Variants in OPCML observed in about 807,000 individuals in gnomAD.
The protein encoded by OPCML is opioid-binding protein/cell adhesion molecule.
Under a neutral mutation model 37.8 loss-of-function variants are expected in OPCML, and 13 were observed. The observed-to-expected ratio is 0.34, with a 90% CI of 0.22 to 0.55. OPCML has a LOEUF of 0.55. Ranked by LOEUF, OPCML falls within the 20% of genes least tolerant of loss-of-function variation. OPCML has a pLI of 0.91. For synonymous variants in OPCML, 176 were observed against 168.8 expected (o/e 1.04, Z -0.33); for missense variants, 341 against 435.6 (o/e 0.78, Z 1.93).
At chr11:132,570,813 A>AGAGAGAGAGAGAGAGAGG in intron 3 of OPCML, among the ~76,000 whole-genome samples, 1 of 129,998 alleles carries the variant, frequency 7.7e-6, no homozygotes, top group Non-Finnish European at 1.7e-5. Context: ...TTAGAGAGAG[A>AGAGAGAGAGAGAGAGAGG]GAGAGAGGAT....
intron 1 of OPCML, among the ~76,000 whole-genome samples, chr11:133,328,456 C>A (rs974570555): frequency 6.6e-6 from 1 of 152,126 alleles, no homozygotes. Flanking sequence ...CTGTGCCCAG[C>A]CTTAAAGATT....
Position 132,688,370 on chromosome 11 carries a change from C to T in OPCML, c.147-31051G>A, listed in dbSNP as rs942945008. 9.2e-5 allele frequency among the ~76,000 whole-genome samples: 14 copies of T among 152,204 alleles called. No homozygotes were observed. In the East Asian group the frequency reaches 2.5e-3, roughly 27 times the overall value. ...GAAACAAGAGCACTAAACTGGTACC[C>T]GTAATCTAGTCCTGACCGACACTAG... On this transcript the variant is annotated intron_variant, in intron 2 of 7. Transcript: ENST00000524381.
chr11:132,595,338 G>T (rs1280787992), intron 3 of OPCML, among the ~76,000 whole-genome samples: 1 of 152,186 alleles, frequency 6.6e-6, no homozygotes, highest in Admixed American at 6.6e-5. Flanking sequence ...TAGTGGAATG[G>T]AATGGGCCCA....
At chr11:132,479,002 C>T (rs752539451) in intron 4 of OPCML, among the ~76,000 whole-genome samples, 3 of 151,994 alleles carry the variant, frequency 2.0e-5, no homozygotes, top group Non-Finnish European at 4.4e-5. Flanking sequence ...AAACAAAATG[C>T]ACAGAATTAG....
chr11:133,526,182 A>G (rs766396168), intron 1 of OPCML, among the ~76,000 whole-genome samples: 2 of 152,184 alleles, frequency 1.3e-5, no homozygotes, highest in Non-Finnish European at 2.9e-5. Context: ...GTGGATGTGC[A>G]GGGAATCTCT....
At chr11:133,117,978 T>A in intron 1 of OPCML, 1 of 970,234 alleles carries the variant, frequency 1.0e-6, no homozygotes, top group Non-Finnish European at 1.2e-6. Flanking sequence ...GAACTGCAAG[T>A]GGAGGAGACA....
At chr11:132,464,287 A>G (rs1416418242) in intron 4 of OPCML, among the ~76,000 whole-genome samples, 1 of 152,114 alleles carries the variant, frequency 6.6e-6, no homozygotes, top group African/African-American at 2.4e-5. Flanking sequence ...TATCACAAAT[A>G]TTCCCCACCC....
chr11:133,182,785 C>G (rs1445375664), intron 1 of OPCML, among the ~76,000 whole-genome samples: 2 of 152,104 alleles, frequency 1.3e-5, no homozygotes, highest in South Asian at 2.1e-4. Flanking sequence ...TGTGAGTGCC[C>G]AGGAACGCGG....
chr11:132,985,733 G>C (rs541761047), intron 1 of OPCML, among the ~76,000 whole-genome samples: 8 of 152,118 alleles, frequency 5.3e-5, no homozygotes, highest in Non-Finnish European at 1.2e-4. Context: ...ATTATACAGG[G>C]TACCTGCACT....
At chr11:133,469,975 A>G in intron 1 of OPCML, among the ~76,000 whole-genome samples, 1 of 152,350 alleles carries the variant, frequency 6.6e-6, no homozygotes, top group African/African-American at 2.4e-5. Flanking sequence ...TGACACTTAG[A>G]CAGCATTGCC....
intron 1 of OPCML, among the ~76,000 whole-genome samples, chr11:133,504,406 T>A (rs1947983892): frequency 6.6e-6 from 1 of 152,202 alleles, no homozygotes; most frequent in Non-Finnish European, 1.5e-5. Context: ...TTGCTGACCC[T>A]GTCTTCAAGG....
chr11:133,170,856 C>G lies in OPCML; in HGVS notation c.62-227846G>C, dbSNP rs987913399. On this transcript the variant is annotated intron_variant, in intron 1 of 7. Coordinates refer to ENST00000524381, the MANE Select transcript of OPCML (RefSeq NM_001012393.5). ...TAAAGCTGGGAGGCAACTTGTCCCCCCAAAAGCACAATTAGCCAGCTCCTC... is the reference window on the plus strand; with the variant it reads ...TAAAGCTGGGAGGCAACTTGTCCCCGCAAAAGCACAATTAGCCAGCTCCTC... Among the ~76,000 whole-genome samples, 3 of 152,122 alleles carry G rather than the reference C, an allele frequency of 2.0e-5. No homozygotes were observed. In the East Asian group the frequency reaches 5.8e-4, roughly 29 times the overall value.
At chr11:132,865,194 G>T (rs893945076) in intron 2 of OPCML, among the ~76,000 whole-genome samples, 1 of 152,094 alleles carries the variant, frequency 6.6e-6, no homozygotes, top group Admixed American at 6.5e-5. Flanking sequence ...ACGCGCGCAC[G>T]CAAACACACA....
chr11:132,518,455 A>G (rs899006384), intron 4 of OPCML, among the ~76,000 whole-genome samples: 2 of 152,172 alleles, frequency 1.3e-5, no homozygotes, highest in Admixed American at 6.5e-5. Context: ...ATCTCAGGCC[A>G]TTGTCTCACC....
At chr11:133,298,847 G>A (rs541454467) in intron 1 of OPCML, 2 of 152,126 alleles carry the variant, frequency 1.3e-5, no homozygotes, top group East Asian at 3.9e-4. Context: ...TAACAAAAGC[G>A]GCCATAATAA....
At chr11:133,508,418 T>C (rs73025671) in intron 1 of OPCML, among the ~76,000 whole-genome samples, 13,267 of 152,188 alleles carry the variant, frequency 0.087, 1,034 homozygotes, top group African/African-American at 0.21. Context: ...TATTTGCACT[T>C]TCTATGTAAT....
intron 1 of OPCML, among the ~76,000 whole-genome samples, chr11:133,215,805 C>T (rs1939560668): frequency 6.6e-6 from 1 of 152,194 alleles, no homozygotes; most frequent in South Asian, 2.1e-4. Context: ...CATGCACGAG[C>T]AGACCCGCTG....
intron 1 of OPCML, among the ~76,000 whole-genome samples, chr11:133,344,420 C>T (rs1312593805): frequency 6.6e-6 from 1 of 152,222 alleles, no homozygotes; most frequent in Non-Finnish European, 1.5e-5. Flanking sequence ...CTCTGACACA[C>T]TGAACATTTT....
intron 3 of OPCML, among the ~76,000 whole-genome samples, chr11:132,589,207 C>T (rs1042285623): frequency 6.6e-6 from 1 of 152,084 alleles, no homozygotes; most frequent in African/African-American, 2.4e-5. Context: ...TGCATAGAAA[C>T]CATTGTTTTA....
Sources: allele counts gnomAD v4.1 joint callset (sites outside exome capture counted in the v4.1 genomes callset), GRCh38; gene constraint gnomAD v4.1.1; transcripts MANE v1.5; gene names NCBI Gene and HGNC (gene_info 2026-07-23, HGNC 2026-07-21).